Variants in CRACD observed in about 807,000 individuals in gnomAD.
CRACD encodes the protein capping protein-inhibiting regulator of actin dynamics.
A neutral mutation model predicts 106.8 loss-of-function variants in CRACD; 56 were observed. The ratio of observed to expected loss-of-function variants is 0.52; its 90% CI spans 0.42 to 0.66. The LOEUF (loss-of-function observed/expected upper bound fraction) is 0.66, where lower values mean the gene tolerates loss of function less well. CRACD is among the 30% of genes least tolerant of loss of function. The pLI, the probability that CRACD is intolerant of heterozygous loss-of-function variation, is 0.00. For missense variants in CRACD, 1,730 were observed against 1,623.2 expected, an observed-to-expected ratio of 1.07 and a Z score of -1.13; for synonymous variants, 754 against 670.8, an observed-to-expected ratio of 1.12 and a Z score of -1.92.
chr4:56,086,639 C>G (rs977599298), intron 1 of CRACD, among the ~76,000 whole-genome samples: 3 of 152,136 alleles, frequency 2.0e-5, no homozygotes, highest in Non-Finnish European at 4.4e-5. Context: ...TATTTGGATC[C>G]TCTTCCCTAC....
chr4:56,316,058 C>T lies in CRACD; in HGVS notation c.2556C>T (p.Thr852=), dbSNP rs938797654. 1.2e-6 allele frequency: 2 copies of T among 1,614,170 alleles called. No individual in the cohort carries two copies. The highest frequency in any genetic ancestry group is 8.5e-7 in the Non-Finnish European group (1 of 1,180,038). Residue 852 remains threonine, a synonymous_variant, in exon 8 of 11, where the codon ACC becomes ACT. Transcript: ENST00000682029. ...CGTTTGGAATAAAATTGAGAAGGAC[C>T]AACTATTCCTTGCGCTTCAACTGCG... ...ASPFGIKLRR[T]NYSLRFNCDQ...
At chr4:56,113,678 T>C (rs1424004395) in intron 1 of CRACD, among the ~76,000 whole-genome samples, 1 of 152,198 alleles carries the variant, frequency 6.6e-6, no homozygotes, top group Non-Finnish European at 1.5e-5. Flanking sequence ...CTCAGAGTAT[T>C]GGACAAATCT....
Position 56,315,182 on chromosome 4 carries a change from C to T in CRACD, c.1680C>T (p.Pro560=), listed in dbSNP as rs565920613. The change falls in exon 8 of 11, where the codon CCC becomes CCT. Residue 560 remains proline (P), a synonymous_variant. Transcript: ENST00000682029. The surrounding 1 kb of genome is among the most constrained non-coding windows in gnomAD (Gnocchi z 4.1). ...FPKVNLSPVT[P]AKDTGLTAAP... ...AAGTCAACCTGAGCCCCGTGACGCC[C>T]GCAAAGGACACGGGGCTCACCGCTG... is the stretch of plus-strand genomic sequence containing the variant. 2.7e-5 allele frequency: 43 copies of T among 1,597,170 alleles called. No homozygotes were observed. The South Asian group carries it at 4.2e-4, about 16-fold the overall frequency.
At chr4:56,073,110 G>C (rs1732720706) in intron 1 of CRACD, among the ~76,000 whole-genome samples, 1 of 152,038 alleles carries the variant, frequency 6.6e-6, no homozygotes, top group Non-Finnish European at 1.5e-5. Context: ...TAATTCTTTG[G>C]GTATATACCC....
chr4:56,310,789 T>TCA, intron 6 of CRACD, 55 bp downstream of exon 6: 1 of 815,710 alleles, frequency 1.2e-6, no homozygotes, highest in South Asian at 1.6e-5. Flanking sequence ...ACTTTCATCT[T>TCA]CCCCCCCCCT....
chr4:56,324,399 T>G (rs1254931194), intron 10 of CRACD, 133 bp downstream of exon 10: 1 of 784,348 alleles, frequency 1.3e-6, no homozygotes, highest in Non-Finnish European at 2.0e-6. Flanking sequence ...GATAACCTCA[T>G]TCATAAACGT....
intron 2 of CRACD, among the ~76,000 whole-genome samples, chr4:56,198,331 T>C (rs1737720704): frequency 6.6e-6 from 1 of 152,222 alleles, no homozygotes. Context: ...TGAGGGAATT[T>C]GTGGTATCAT....
chr4:56,226,858 TTCTC>T (rs368656403), intron 2 of CRACD, among the ~76,000 whole-genome samples: 1 of 148,252 alleles, frequency 6.7e-6, no homozygotes, highest in Non-Finnish European at 1.5e-5. Context: ...GTGTGTCTCT[TTCTC>T]TCTCTCTCTC....
chr4:56,317,961 T>C (rs1213656336), intron 8 of CRACD, among the ~76,000 whole-genome samples: 1 of 152,100 alleles, frequency 6.6e-6, no homozygotes, highest in East Asian at 1.9e-4. Flanking sequence ...GGAGGTAAAG[T>C]ATGGGTCAAA....
chr4:56,090,509 C>G (rs1246211422), intron 1 of CRACD, among the ~76,000 whole-genome samples: 1 of 152,116 alleles, frequency 6.6e-6, no homozygotes, highest in Non-Finnish European at 1.5e-5. Flanking sequence ...GCAATTCTGC[C>G]TCAGCCTCCC....
chr4:56,328,103 A>G lies in CRACD; in HGVS notation c.*299A>G, dbSNP rs899526828. The stretch of plus-strand genomic sequence containing the variant: ...CGTGAGAGCCTGCCATGCCCATTTC[A>G]TGGCCTTGCACACACACCCACCCAC... On this transcript the variant is annotated 3_prime_UTR_variant, in exon 11 of 11. Coordinates refer to ENST00000682029, the MANE Select transcript of CRACD (RefSeq NM_001393381.1). 7 of 365,226 alleles carry G rather than the reference A, an allele frequency of 1.9e-5. No individual in the cohort carries two copies. The highest frequency in any genetic ancestry group is 7.9e-5 in the Admixed American group (2 of 25,276). The allele number at this position is 365,226 out of a possible 1,614,324, so 22.6% of individuals were successfully genotyped here. A position where few individuals can be genotyped will look rare whatever the true frequency, so the allele number is the denominator to read the frequency against.
rs779771309 is a variant in CRACD, at chr4:56,316,251, C to A, written c.2749C>A (p.Arg917=). 14 of 1,613,834 alleles carry A rather than the reference C, an allele frequency of 8.7e-6. No individual in the cohort carries two copies. The highest frequency in any genetic ancestry group is 3.3e-5 in the South Asian group (3 of 91,096). ...PQERKQAPST[R]RDSAEPSSSR... is the part of the protein sequence containing the mutation. The stretch of plus-strand genomic sequence containing the variant: ...AGAGCGGAAGCAAGCCCCTTCCACC[C>A]GGAGGGACTCCGCTGAACCTTCCAG... Residue 917 remains arginine (R), a synonymous_variant, in exon 8 of 11, where the codon CGG becomes AGG. Transcript: ENST00000682029.
intron 1 of CRACD, among the ~76,000 whole-genome samples, chr4:56,094,021 C>T (rs1223703566): frequency 2.6e-5 from 4 of 152,138 alleles, no homozygotes; most frequent in African/African-American, 9.7e-5. Flanking sequence ...GTTAGATAGT[C>T]ACTAGAAGTC....
At chr4:56,312,842 C>G (rs945681556) in intron 6 of CRACD, among the ~76,000 whole-genome samples, 2 of 152,138 alleles carry the variant, frequency 1.3e-5, no homozygotes, top group African/African-American at 2.4e-5. Context: ...AGCTGTGGCC[C>G]GGTAAAACTC....
chr4:56,182,603 G>C (rs1736879008), intron 2 of CRACD, among the ~76,000 whole-genome samples: 1 of 152,088 alleles, frequency 6.6e-6, no homozygotes, highest in Admixed American at 6.6e-5. Flanking sequence ...CCCTGACACA[G>C]GGTAGGAGTT....
chr4:56,155,978 T>G (rs1399191456), intron 1 of CRACD, among the ~76,000 whole-genome samples: 1 of 152,152 alleles, frequency 6.6e-6, no homozygotes, highest in Admixed American at 6.5e-5. Context: ...ATTGAGTTTT[T>G]TTTGAGACAG....
At chr4:56,302,126 G>T (rs74496767) in intron 4 of CRACD, among the ~76,000 whole-genome samples, 1 of 152,284 alleles carries the variant, frequency 6.6e-6, no homozygotes, top group African/African-American at 2.4e-5. Flanking sequence ...AAACTAAGGG[G>T]CATGCACACA....
intron 3 of CRACD, among the ~76,000 whole-genome samples, chr4:56,295,451 A>G (rs1283447215): frequency 6.6e-6 from 1 of 151,790 alleles, no homozygotes; most frequent in Admixed American, 6.6e-5. Flanking sequence ...TCTGGAAGTG[A>G]GTAATGAATG....
chr4:56,228,227 A>T (rs1447886066), intron 2 of CRACD, among the ~76,000 whole-genome samples: 1 of 152,148 alleles, frequency 6.6e-6, no homozygotes, highest in Non-Finnish European at 1.5e-5. Flanking sequence ...CTGTGTACTT[A>T]ATCTGTACTG....
Sources: allele counts gnomAD v4.1 joint callset (sites outside exome capture counted in the v4.1 genomes callset), GRCh38; gene constraint gnomAD v4.1.1; non-coding constraint Gnocchi (gnomAD v3.1); transcripts MANE v1.5; gene names NCBI Gene and HGNC (gene_info 2026-07-23, HGNC 2026-07-21).